DLGAP2: variants seen among roughly 807,000 people sequenced by gnomAD.
DLGAP2 encodes the protein DLG associated protein 2, also known as disks large-associated protein 2.
DLGAP2 carries 26 observed loss-of-function variants against 100.3 expected under a neutral mutation model. The observed-to-expected ratio is 0.26, with a 90% CI of 0.19 to 0.36. The LOEUF is 0.36. Among genes scored for constraint, DLGAP2 ranks in the 10% least tolerant of loss-of-function variants. The pLI, the probability that DLGAP2 is intolerant of heterozygous loss-of-function variation, is 1.00. For missense variants in DLGAP2, 1,858 were observed against 1,453.2 expected (o/e 1.28, Z -4.53); for synonymous variants, 886 against 630.1 (o/e 1.41, Z -6.08).
chr8:1,130,380 C>A (rs73526560), intron 2 of DLGAP2, among the ~76,000 whole-genome samples: 1,639 of 152,240 alleles, frequency 0.011, 24 homozygotes, highest in African/African-American at 0.037. Context: ...AAGCAACTCA[C>A]AGATATGACG....
At chr8:1,293,792 T>G (rs937458193) in intron 3 of DLGAP2, among the ~76,000 whole-genome samples, 12 of 152,166 alleles carry the variant, frequency 7.9e-5, no homozygotes, top group Admixed American at 7.9e-4. Context: ...TCTTCACTTA[T>G]TAAACATTTT....
intron 1 of DLGAP2, among the ~76,000 whole-genome samples, chr8:840,816 T>C (rs539067745): frequency 8.1e-4 from 124 of 152,356 alleles, no homozygotes; most frequent in South Asian, 2.3e-3. Context: ...ACACTCTCGA[T>C]TCTGTGAACA....
At chr8:1,213,903 C>A (rs1472305197) in intron 2 of DLGAP2, among the ~76,000 whole-genome samples, 1 of 152,354 alleles carries the variant, frequency 6.6e-6, no homozygotes, top group East Asian at 1.9e-4. Context: ...GTCCTCACTC[C>A]TTTTGCTGGC....
At chr8:1,071,343 T>A (rs1160464076) in intron 2 of DLGAP2, among the ~76,000 whole-genome samples, 4 of 152,158 alleles carry the variant, frequency 2.6e-5, no homozygotes, top group Non-Finnish European at 5.9e-5. Context: ...GCCTCCACGG[T>A]GCTTGACTTT....
intron 1 of DLGAP2, among the ~76,000 whole-genome samples, chr8:789,863 T>C (rs1242398000): frequency 6.6e-6 from 1 of 152,154 alleles, no homozygotes; most frequent in African/African-American, 2.4e-5. Context: ...TATTGCCCTG[T>C]GTAATGATCA....
At chr8:1,244,622 C>G (rs1297738868) in intron 2 of DLGAP2, among the ~76,000 whole-genome samples, 1 of 152,218 alleles carries the variant, frequency 6.6e-6, no homozygotes, top group Non-Finnish European at 1.5e-5. Flanking sequence ...GCCCCATACA[C>G]CACACTAACT....
chr8:1,313,438 C>T (rs1800657744), intron 3 of DLGAP2, among the ~76,000 whole-genome samples: 1 of 152,210 alleles, frequency 6.6e-6, no homozygotes, highest in South Asian at 2.1e-4. Flanking sequence ...GCTATGCTCT[C>T]ACCTATAATC....
intron 3 of DLGAP2, 71 bp downstream of exon 3, chr8:1,258,954 C>G (rs781538673): frequency 9.0e-5 from 106 of 1,183,270 alleles, no homozygotes; most frequent in Non-Finnish European, 1.0e-4. Context: ...TGGCAACAGT[C>G]TACCATGAAA....
intron 2 of DLGAP2, among the ~76,000 whole-genome samples, chr8:1,151,968 C>G (rs1310350528): frequency 6.6e-6 from 1 of 152,236 alleles, no homozygotes; most frequent in East Asian, 1.9e-4. Context: ...TTGGTTCCCA[C>G]AAGACACCTG....
chr8:1,483,635 GGAGCA>G lies in DLGAP2; in HGVS notation c.107-17729_107-17725del, dbSNP rs1334771181. On this transcript the variant is annotated intron_variant, in intron 3 of 14. Transcript: ENST00000637795. Reference sequence around the variant, plus strand: ...CTGAACTGCTGTGCAGGAGGCTCAGGGAGCAGGACCTGAGGGCGTCTACACAGAGC... The same window carrying G: ...CTGAACTGCTGTGCAGGAGGCTCAGGGGACCTGAGGGCGTCTACACAGAGC... 4.2e-3 allele frequency among the ~76,000 whole-genome samples: 340 copies of G among 81,688 alleles called. 12 individuals are homozygous for G. Among genetic ancestry groups the G allele is most frequent in the African/African-American group, 0.012 (221 of 18,818 alleles). The allele number at this position is 81,688 out of a possible 152,430, so 53.6% of individuals were successfully genotyped here.
At chr8:789,523 G>C (rs1821968705) in intron 1 of DLGAP2, among the ~76,000 whole-genome samples, 1 of 152,200 alleles carries the variant, frequency 6.6e-6, no homozygotes, top group South Asian at 2.1e-4. Context: ...GATTTGGGTG[G>C]AGACACAGAG....
chr8:916,058 C>G (rs181762910), intron 2 of DLGAP2, among the ~76,000 whole-genome samples: 1 of 151,992 alleles, frequency 6.6e-6, no homozygotes, highest in African/African-American at 2.4e-5. Flanking sequence ...TTTTTTCTGT[C>G]TGTCCGTCAG....
chr8:865,491 G>A (rs989658403), intron 1 of DLGAP2, among the ~76,000 whole-genome samples: 1 of 152,166 alleles, frequency 6.6e-6, no homozygotes, highest in Non-Finnish European at 1.5e-5. Context: ...CAGATTCTGT[G>A]ATGTTCCCCG....
chr8:1,418,369 A>G (rs28621014), intron 3 of DLGAP2, among the ~76,000 whole-genome samples: 62,574 of 152,130 alleles, frequency 0.41, 12,999 homozygotes, highest in East Asian at 0.53. Context: ...AGTATCCTCA[A>G]GTCATTAAAA....
intron 2 of DLGAP2, among the ~76,000 whole-genome samples, chr8:1,195,752 C>T (rs773868331): frequency 1.3e-4 from 20 of 152,218 alleles, no homozygotes; most frequent in Non-Finnish European, 2.9e-4. Flanking sequence ...CAGATAATCG[C>T]ATCACCATCG....
At chr8:926,497 C>T (rs1364338120) in intron 2 of DLGAP2, among the ~76,000 whole-genome samples, 2 of 152,324 alleles carry the variant, frequency 1.3e-5, no homozygotes, top group South Asian at 4.1e-4. Flanking sequence ...CCTGAGTAAA[C>T]AGATCCCAGG....
chr8:1,270,386 C>T (rs561171240), intron 3 of DLGAP2, among the ~76,000 whole-genome samples: 1 of 152,322 alleles, frequency 6.6e-6, no homozygotes, highest in African/African-American at 2.4e-5. Context: ...TTGATCGTCA[C>T]AGCCTCATTG....
chr8:838,420 A>G (rs1427088224), intron 1 of DLGAP2, among the ~76,000 whole-genome samples: 1 of 151,678 alleles, frequency 6.6e-6, no homozygotes, highest in Non-Finnish European at 1.5e-5. Context: ...TTTTATTTTA[A>G]TTTTATTTTT....
intron 6 of DLGAP2, among the ~76,000 whole-genome samples, chr8:1,620,134 T>G (rs573540470): frequency 6.6e-6 from 1 of 152,336 alleles, no homozygotes; most frequent in South Asian, 2.1e-4. Context: ...CCACTCATAC[T>G]TCCATTTTCT....
Sources: gnomAD v4.1 joint callset for allele counts (sites outside exome capture counted in the v4.1 genomes callset) on GRCh38, gnomAD v4.1.1 for gene constraint, MANE v1.5 for transcripts, NCBI Gene and HGNC (gene_info 2026-07-23, HGNC 2026-07-21) for gene names.